IGF2R: variants seen among roughly 807,000 people sequenced by gnomAD.
The protein encoded by IGF2R is cation-independent mannose-6-phosphate receptor.
Under a neutral mutation model 270.6 loss-of-function variants are expected in IGF2R, and 91 were observed. The observed-to-expected ratio is 0.34, with a 90% CI of 0.28 to 0.40. IGF2R has a LOEUF of 0.40. IGF2R is among the 10% of genes least tolerant of loss of function. IGF2R has a pLI of 1.00. For missense variants in IGF2R, 2,805 were observed against 3,188.3 expected (o/e 0.88, Z 2.90); for synonymous variants, 1,316 against 1,258.9 (o/e 1.05, Z -0.96).
chr6:160,053,276 G>C (rs755987544), intron 19 of IGF2R, among the ~76,000 whole-genome samples: 2 of 151,922 alleles, frequency 1.3e-5, no homozygotes, highest in Admixed American at 6.6e-5. Flanking sequence ...GTTGGGGGCT[G>C]GGGGGGAGGG....
chr6:160,097,822 C>T (rs1365296025), intron 45 of IGF2R, among the ~76,000 whole-genome samples: 1 of 152,152 alleles, frequency 6.6e-6, no homozygotes, highest in Non-Finnish European at 1.5e-5. Flanking sequence ...ACTCCCCCTG[C>T]CCACCCTTAA....
In IGF2R at chr6:159,972,549, C is replaced by G. The variant is rs191272390; in HGVS notation, c.149+3154C>G. On this transcript the variant is annotated intron_variant, in intron 1 of 47. Coordinates refer to ENST00000356956, the MANE Select transcript of IGF2R (RefSeq NM_000876.4). ...GGAAAACTACCTCTCCTCCCAAGCC[C>G]AGCTCTCTAGAACCTAGAGAGAATA... Among the ~76,000 whole-genome samples the G allele has an allele frequency of 1.6e-4, 25 of 152,274 alleles. No individual in the cohort carries two copies. In the East Asian group the frequency reaches 4.4e-3, roughly 27 times the overall value.
chr6:159,969,309 C>T lies in IGF2R; in HGVS notation c.63C>T (p.Arg21=). The T allele has an allele frequency of 2.3e-6, 3 of 1,276,904 alleles. No homozygotes were observed. The highest frequency in any genetic ancestry group is 2.5e-5 in the South Asian group (1 of 39,856). 79.1% of individuals were successfully genotyped at this position (1,276,904 alleles called of 1,614,324 possible). ...LGPAPARRPQ[R]SLLLLQLLLL... is the part of the protein sequence containing the mutation. ...CCGCGCCCGCCCGCCGCCCGCAGCGCTCTCTGCTCCTGCTGCAGCTGCTGC... is the reference window on the plus strand; with the variant it reads ...CCGCGCCCGCCCGCCGCCCGCAGCGTTCTCTGCTCCTGCTGCAGCTGCTGC... Residue 21 remains arginine (R), a synonymous_variant, in exon 1 of 48, where the codon CGC becomes CGT. Transcript: ENST00000356956.
At chr6:160,080,793 G>A (rs78425119) in intron 39 of IGF2R, among the ~76,000 whole-genome samples, 6,563 of 152,120 alleles carry the variant, frequency 0.043, 184 homozygotes, top group Non-Finnish European at 0.068. Flanking sequence ...TTGTGTCTAC[G>A]GACCGTGAGA....
chr6:160,065,855 T>C (rs1383680629), intron 29 of IGF2R, among the ~76,000 whole-genome samples: 2 of 141,616 alleles, frequency 1.4e-5, no homozygotes, highest in East Asian at 4.1e-4. Context: ...TGTATTTTTT[T>C]TGAGATGGAA....
chr6:160,009,042 C>G lies in IGF2R; in HGVS notation c.322C>G (p.Leu108Val). Residue 108 changes from leucine to valine, a missense_variant, in exon 3 of 48, where the codon CTC becomes GTC. Transcript: ENST00000356956. Reference sequence around the variant, plus strand: ...TGTTTTGAGAAGTGCAACCAGATCTCTCCTGGAATTCAACACAACAGTGAG... The same window carrying G: ...TGTTTTGAGAAGTGCAACCAGATCTGTCCTGGAATTCAACACAACAGTGAG... ...DSVLRSATRS[L>V]LEFNTTVSCD... 6.2e-7 allele frequency: 1 copy of G among 1,613,964 alleles called. No individual in the cohort carries two copies. Among genetic ancestry groups the G allele is most frequent in the East Asian group, 2.2e-5 (1 of 44,874 alleles).
intron 1 of IGF2R, among the ~76,000 whole-genome samples, chr6:159,984,716 CTCA>C (rs953027152): frequency 6.6e-5 from 10 of 152,138 alleles, no homozygotes; most frequent in African/African-American, 1.9e-4. Flanking sequence ...ACAGAATTGC[CTCA>C]TGACACATTT....
intron 37 of IGF2R, 21 bp downstream of exon 37, chr6:160,078,383 G>A (rs758110442): frequency 2.3e-5 from 37 of 1,609,168 alleles, no homozygotes; most frequent in Non-Finnish European, 3.1e-5. Context: ...CACCCTGGGC[G>A]TTGCTGGTGC....
intron 34 of IGF2R, 83 bp from the exon 35 acceptor site, chr6:160,073,674 C>A: frequency 8.0e-7 from 1 of 1,251,952 alleles, no homozygotes; most frequent in Non-Finnish European, 1.1e-6. Context: ...TGTTGTTATT[C>A]AGCTTTTAAA....
chr6:160,033,917 T>A (rs899294629), intron 9 of IGF2R, among the ~76,000 whole-genome samples: 1 of 152,204 alleles, frequency 6.6e-6, no homozygotes, highest in Non-Finnish European at 1.5e-5. Context: ...GCAGTTACGA[T>A]TCAAAAATTA....
chr6:160,021,281 A>G lies in IGF2R; in HGVS notation c.514-3291A>G, dbSNP rs1041707420. Among the ~76,000 whole-genome samples the G allele has an allele frequency of 2.6e-5, 4 of 152,206 alleles. No individual in the cohort carries two copies. In the East Asian group the frequency reaches 5.8e-4, roughly 22 times the overall value. On this transcript the variant is annotated intron_variant, in intron 4 of 47. Coordinates refer to ENST00000356956, the MANE Select transcript of IGF2R (RefSeq NM_000876.4). ...ATGCAGCCATAAAAATGATGAGTTC[A>G]TGTCCTTTGTAGGGACATGAATGAA... is the stretch of plus-strand genomic sequence containing the variant.
chr6:160,040,118 C>T (rs1777911909), intron 10 of IGF2R, among the ~76,000 whole-genome samples: 1 of 152,126 alleles, frequency 6.6e-6, no homozygotes, highest in Non-Finnish European at 1.5e-5. Context: ...TGTTCACAGT[C>T]GCATCACTAA....
At chr6:160,044,471 A>G in intron 12 of IGF2R, 43 bp from the exon 13 acceptor site, 1 of 1,469,154 alleles carries the variant, frequency 6.8e-7, no homozygotes, top group Non-Finnish European at 9.3e-7. Flanking sequence ...CGTGATGATC[A>G]TTTTTAACCA....
At chr6:160,039,663 G>C (rs1437658891) in intron 10 of IGF2R, among the ~76,000 whole-genome samples, 1 of 152,188 alleles carries the variant, frequency 6.6e-6, no homozygotes, top group Non-Finnish European at 1.5e-5. Context: ...CAAGAAGGCA[G>C]ATCACATGGT....
chr6:160,084,843 T>C lies in IGF2R; in HGVS notation c.6069-152T>C. On this transcript the variant is annotated intron_variant, in intron 40 of 47. Transcript: ENST00000356956. The surrounding 1 kb of genome is among the most constrained non-coding windows in gnomAD (Gnocchi z 4.6). ...CTTCTTTTGCCCTTTTTTTTTTTAA[T>C]TGGAAAAGCTATTTTAGTGCTACAT... 2 of 721,506 alleles carry C rather than the reference T, an allele frequency of 2.8e-6. No individual in the cohort carries two copies. The highest frequency in any genetic ancestry group is 2.7e-5 in the Admixed American group (1 of 37,674). The allele number at this position is 721,506 out of a possible 1,614,324, so 44.7% of individuals were successfully genotyped here. A position where few individuals can be genotyped will look rare whatever the true frequency, so the allele number is the denominator to read the frequency against.
Position 160,075,964 on chromosome 6 carries a change from A to G in IGF2R, c.5284A>G (p.Ile1762Val), listed in dbSNP as rs750958561. ...CAAGCATTTCAACTACACCTCGCTC[A>G]TCGCGTTTCACTGTAAGAGAGGTGT... is the stretch of plus-strand genomic sequence containing the variant. ...ADKHFNYTSL[I>V]AFHCKRGVSM... Residue 1762 changes from isoleucine (I) to valine (V), a missense_variant, in exon 36 of 48, where the codon ATC (isoleucine) becomes GTC (valine). Ile to Val is a conservative substitution (Grantham distance 29). Coordinates refer to ENST00000356956, the MANE Select transcript of IGF2R (RefSeq NM_000876.4). 1.2e-6 allele frequency: 2 copies of G among 1,614,212 alleles called. No homozygotes were observed.
At position 160,046,600 on chromosome 6, in the gene IGF2R, T is replaced by G. The variant is rs1268560139; in HGVS notation, c.2006T>G (p.Val669Gly). 1 of 1,613,898 alleles carries G rather than the reference T, an allele frequency of 6.2e-7. No homozygotes were observed. ...FYINVCGPVS[V>G]SPCQPDSGAC... The stretch of plus-strand genomic sequence containing the variant: ...ATAAATGTGTGTGGCCCGGTGTCTG[T>G]GAGCCCCTGTCAGCCAGACTCAGGA... Residue 669 changes from valine (V) to glycine (G), a missense_variant, in exon 15 of 48, where the codon GTG becomes GGG. Coordinates refer to ENST00000356956, the MANE Select transcript of IGF2R (RefSeq NM_000876.4).
chr6:160,005,034 A>G (rs915073511), intron 2 of IGF2R: 1 of 152,276 alleles, frequency 6.6e-6, no homozygotes, highest in African/African-American at 2.4e-5. Context: ...GGATCTTGCC[A>G]TGTGGTGTGC....
At chr6:160,018,175 C>T (rs1777348245) in intron 4 of IGF2R, among the ~76,000 whole-genome samples, 2 of 151,792 alleles carry the variant, frequency 1.3e-5, no homozygotes, top group Admixed American at 6.6e-5. Flanking sequence ...AAAGATATTC[C>T]AGGCAAATGG....
Sources: gnomAD v4.1 joint callset for allele counts (sites outside exome capture counted in the v4.1 genomes callset) on GRCh38, gnomAD v4.1.1 for gene constraint, Gnocchi (gnomAD v3.1) non-coding constraint, MANE v1.5 for transcripts, NCBI Gene and HGNC (gene_info 2026-07-23, HGNC 2026-07-21) for gene names.